Variants in TRIM50 observed in about 807,000 individuals in gnomAD.
TRIM50 encodes E3 ubiquitin-protein ligase TRIM50.
In TRIM50, 34 loss-of-function variants were observed where a neutral mutation model predicts 44.9. The observed-to-expected ratio is 0.76, with a 90% CI of 0.58 to 1.01. The LOEUF (loss-of-function observed/expected upper bound fraction) is 1.01. Ranked by LOEUF, TRIM50 falls within the 50% of genes least tolerant of loss-of-function variation. TRIM50 has a pLI of 0.00. For synonymous variants in TRIM50, 307 were observed against 291.1 expected (o/e 1.05, Z -0.56); for missense variants, 633 against 663.7 (o/e 0.95, Z 0.51).
chr7:73,314,154 TG>T, intron 6 of TRIM50: 1 of 329,578 alleles, frequency 3.0e-6, no homozygotes, highest in Non-Finnish European at 5.8e-6. Flanking sequence ...CTCCGGCCCC[TG>T]CTGGCGTGAA....
rs1554544090 is a variant in TRIM50 at position 73,316,569 on chromosome 7, CAA to C, written c.868_869del (p.Leu290AlafsTer40). The C allele has an allele frequency of 6.2e-7, 1 of 1,614,162 alleles. No homozygotes were observed. The highest frequency in any genetic ancestry group is 1.7e-5 in the Admixed American group (1 of 60,022). ...TVWKRLFRKVLPAPEPLKLDP... is the reference protein window; with the variant it reads ...TVWKRLFRKVXPAPEPLKLDP... The stretch of plus-strand genomic sequence containing the variant: ...GAGGACGGGTCAGGGCCTCACCTGG[CAA>C]AACTTTCCGGAAGAGCCTTTTCCAC... On this transcript the variant is annotated frameshift_variant, in exon 6 of 7. Transcript: ENST00000333149. LOFTEE classifies it high-confidence loss of function.
intron 6 of TRIM50, chr7:73,315,218 C>T (rs1398126861): frequency 5.1e-6 from 1 of 195,384 alleles, no homozygotes; most frequent in Non-Finnish European, 1.1e-5. Flanking sequence ...CTGGGTAAAA[C>T]GTACACTGTT....
chr7:73,318,231 C>T (rs1170785555), intron 5 of TRIM50, among the ~76,000 whole-genome samples: 1 of 152,196 alleles, frequency 6.6e-6, no homozygotes, highest in Non-Finnish European at 1.5e-5. Context: ...TGGGCTCAAG[C>T]AATCCTCCCG....
chr7:73,324,270 C>T, intron 2 of TRIM50, 119 bp downstream of exon 2: 1 of 1,544,048 alleles, frequency 6.5e-7, no homozygotes, highest in Non-Finnish European at 8.8e-7. Flanking sequence ...TGCGCCAGGG[C>T]ACAGCTGCAG....
chr7:73,318,241 G>A (rs1395516296), intron 5 of TRIM50, among the ~76,000 whole-genome samples: 2 of 152,132 alleles, frequency 1.3e-5, no homozygotes, highest in Non-Finnish European at 2.9e-5. Flanking sequence ...CAATCCTCCC[G>A]CCTCAGCCTC....
At chr7:73,314,344 T>C (rs1318786625) in intron 6 of TRIM50, 36 of 382,706 alleles carry the variant, frequency 9.4e-5, no homozygotes, top group Middle Eastern at 6.2e-4. Context: ...CTCCTGCTAT[T>C]AACCAGTTCA....
rs2115710462 is a variant in TRIM50 at position 73,313,639 on chromosome 7, G to T, written c.875-129C>A. Reference sequence around the variant, plus strand: ...GTCTTCCTCATCTCTCTAGCCCCAGGGTCTAGAAGGGGCCAGTACAGGGCT... The same window carrying T: ...GTCTTCCTCATCTCTCTAGCCCCAGTGTCTAGAAGGGGCCAGTACAGGGCT... On this transcript the variant is annotated intron_variant, in intron 6 of 6. Transcript: ENST00000333149. The surrounding 1 kb of genome is among the most constrained non-coding windows in gnomAD (Gnocchi z 4.9). The T allele has an allele frequency of 1.4e-6, 1 of 703,600 alleles. No individual in the cohort carries two copies. Among genetic ancestry groups the T allele is most frequent in the Non-Finnish European group, 2.3e-6 (1 of 433,106 alleles). The allele number at this position is 703,600 out of a possible 1,614,324, so 43.6% of individuals were successfully genotyped here.
Position 73,313,592 on chromosome 7 carries a change from A to C in TRIM50, c.875-82T>G, listed in dbSNP as rs1190811262. 3 of 1,220,896 alleles carry C rather than the reference A, an allele frequency of 2.5e-6. No homozygotes were observed. Among genetic ancestry groups the C allele is most frequent in the Non-Finnish European group, 3.3e-6 (3 of 902,170 alleles). 75.6% of individuals were successfully genotyped at this position (1,220,896 alleles called of 1,614,324 possible). A position where few individuals can be genotyped will look rare whatever the true frequency, so the allele number is the denominator to read the frequency against. ...CCACAGAAGCTGATGGAGGCCCTGAACTCCCCAAGGAGAGGGGCTGTGTCT... is the reference window on the plus strand; with the variant it reads ...CCACAGAAGCTGATGGAGGCCCTGACCTCCCCAAGGAGAGGGGCTGTGTCT... On this transcript the variant is annotated intron_variant, in intron 6 of 6. Coordinates refer to ENST00000333149, the MANE Select transcript of TRIM50 (RefSeq NM_178125.3). This position sits in a 1 kb window ranked among gnomAD's most constrained non-coding sequence, Gnocchi z 4.9.
At chr7:73,325,869 T>C (rs1328262701) in intron 1 of TRIM50, among the ~76,000 whole-genome samples, 2 of 131,520 alleles carry the variant, frequency 1.5e-5, no homozygotes, top group African/African-American at 5.6e-5. Flanking sequence ...TTGCTCTTAC[T>C]CTCCTTTTTT....
At chr7:73,320,300 T>C (rs1474234434) in intron 2 of TRIM50, 58 bp from the exon 3 acceptor site, 3 of 1,612,828 alleles carry the variant, frequency 1.9e-6, no homozygotes, top group Non-Finnish European at 2.5e-6. Context: ...CTCAGCTCCT[T>C]GGATCACCTT....
chr7:73,313,280 T>C lies in TRIM50; in HGVS notation c.1105A>G (p.Thr369Ala). The C allele has an allele frequency of 6.2e-7, 1 of 1,603,816 alleles. No homozygotes were observed. The highest frequency in any genetic ancestry group is 1.3e-5 in the African/African-American group (1 of 74,884). Reference sequence around the variant, plus strand: ...TTCAGCTTGCCCTTACGGCTGGCTGTGCCCTTGATGACCCCCAGGCGCCAG... The same window carrying C: ...TTCAGCTTGCCCTTACGGCTGGCTGCGCCCTTGATGACCCCCAGGCGCCAG... ...SDWRLGVIKG[T>A]ASRKGKLNRS... The change falls in exon 7 of 7, where the codon ACA becomes GCA. Residue 369 changes from threonine to alanine, a missense_variant. Coordinates refer to ENST00000333149, the MANE Select transcript of TRIM50 (RefSeq NM_178125.3). The surrounding 1 kb of genome is among the most constrained non-coding windows in gnomAD (Gnocchi z 4.9).
At position 73,324,775 on chromosome 7, in the gene TRIM50, C is replaced by G; in HGVS notation, c.13G>C (p.Val5Leu). The part of the protein sequence containing the change: MAWQ[V>L]SLPELEDRLQ... ...CGGTCCTCCAGCTCTGGCAGGCTCA[C>G]CTGCCAAGCCATCCACACTCACTGC... Residue 5 changes from valine to leucine, a missense_variant, in exon 2 of 7, where the codon GTG becomes CTG. By Grantham distance (32) the Val-to-Leu change is conservative. Coordinates refer to ENST00000333149, the MANE Select transcript of TRIM50 (RefSeq NM_178125.3). 1.2e-6 allele frequency: 2 copies of G among 1,613,924 alleles called. No individual in the cohort carries two copies. The highest frequency in any genetic ancestry group is 1.7e-6 in the Non-Finnish European group (2 of 1,180,040).
Position 73,324,614 on chromosome 7 carries a change from C to T in TRIM50, c.174G>A (p.Gln58=). Residue 58 remains glutamine (Q), a synonymous_variant, in exon 2 of 7, where the codon CAG becomes CAA. Coordinates refer to ENST00000333149, the MANE Select transcript of TRIM50 (RefSeq NM_178125.3). ...GCAGGGAGCTGCTGCCGTCCACCGC[C>T]TGCCGGCACACGGGGCAGCGCAGCT... The part of the protein sequence containing the change: ...DAELRCPVCR[Q]AVDGSSSLPN... 1 of 1,614,174 alleles carries T rather than the reference C, an allele frequency of 6.2e-7. No individual in the cohort carries two copies. The highest frequency in any genetic ancestry group is 8.5e-7 in the Non-Finnish European group (1 of 1,180,032).
In TRIM50 at chr7:73,313,367, C is replaced by T. The variant is rs782365553; in HGVS notation, c.1018G>A (p.Ala340Thr). Residue 340 changes from alanine to threonine, a missense_variant, in exon 7 of 7, where the codon GCC (alanine) becomes ACC (threonine). Ala to Thr is a moderately conservative substitution (Grantham distance 58). Transcript: ENST00000333149. This position sits in a 1 kb window ranked among gnomAD's most constrained non-coding sequence, Gnocchi z 4.9. Reference sequence around the variant, plus strand: ...CGGCCGCAGGAGAAGCCGCGGCTGGCCAGGACGCAGGTGCTGTAGTCGAAG... The same window carrying T: ...CGGCCGCAGGAGAAGCCGCGGCTGGTCAGGACGCAGGTGCTGTAGTCGAAG... ...ERFDYSTCVLASRGFSCGRHY... is the reference protein window; with the variant it reads ...ERFDYSTCVLTSRGFSCGRHY... 36 of 1,595,924 alleles carry T rather than the reference C, an allele frequency of 2.3e-5. 1 individual carries two copies. Among genetic ancestry groups the T allele is most frequent in the Non-Finnish European group, 2.9e-5 (34 of 1,172,852 alleles).
At chr7:73,321,197 C>T (rs148473341) in intron 2 of TRIM50, among the ~76,000 whole-genome samples, 3,152 of 152,114 alleles carry the variant, frequency 0.021, 51 homozygotes, top group South Asian at 0.042. Context: ...TCTGCATTGA[C>T]AGCAGGAACT....
chr7:73,314,260 C>T (rs1804306938), intron 6 of TRIM50: 2 of 318,514 alleles, frequency 6.3e-6, no homozygotes, highest in Non-Finnish European at 6.0e-6. Context: ...CGGACCTCGC[C>T]CACTTTGTGC....
intron 1 of TRIM50, among the ~76,000 whole-genome samples, chr7:73,326,088 C>T (rs1217768714): frequency 1.3e-5 from 2 of 152,178 alleles, no homozygotes; most frequent in Non-Finnish European, 2.9e-5. Flanking sequence ...CCGGGTCTTG[C>T]TTTGTTGCCC....
At position 73,324,407 on chromosome 7, in the gene TRIM50, G is replaced by T. The variant is rs543088756; in HGVS notation, c.381C>A (p.Thr127=). ...TCCCCACCTTCATGCGGCTGTAGAC[G>T]GTGGAGACGGGCGTGACCGGGTGGT... ...HQHHPVTPVS[T]VYSRMKEELA... is the part of the protein sequence containing the mutation. Residue 127 remains threonine (T), a synonymous_variant, in exon 2 of 7, where the codon ACC becomes ACA. Coordinates refer to ENST00000333149, the MANE Select transcript of TRIM50 (RefSeq NM_178125.3). 5 of 1,613,818 alleles carry T rather than the reference G, an allele frequency of 3.1e-6. No homozygotes were observed. Among genetic ancestry groups the T allele is most frequent in the South Asian group, 2.2e-5 (2 of 91,062 alleles).
At position 73,312,997 on chromosome 7, in the gene TRIM50, C is replaced by T; in HGVS notation, c.1388G>A (p.Ser463Asn). The T allele has an allele frequency of 6.4e-7, 1 of 1,553,438 alleles. No homozygotes were observed. The highest frequency in any genetic ancestry group is 1.2e-5 in the South Asian group (1 of 84,194). ...ILDTCWHERG[S>N]NSLPMVLPPP... ...GGGCAGCACCATGGGCAGCGAGTTG[C>T]TGCCCCTCTCGTGCCAGCAGGTGTC... Residue 463 changes from serine (S) to asparagine (N), a missense_variant, in exon 7 of 7, where the codon AGC becomes AAC. Ser to Asn is a conservative substitution (Grantham distance 46). Transcript: ENST00000333149.
Sources: gnomAD v4.1 joint callset for allele counts (sites outside exome capture counted in the v4.1 genomes callset) on GRCh38, gnomAD v4.1.1 for gene constraint, Gnocchi (gnomAD v3.1) non-coding constraint, MANE v1.5 for transcripts, NCBI Gene and HGNC (gene_info 2026-07-23, HGNC 2026-07-21) for gene names.